LDLRAD3: variants seen among roughly 807,000 people sequenced by gnomAD.
The protein encoded by LDLRAD3 is low-density lipoprotein receptor class A domain-containing protein 3.
A neutral mutation model predicts 29.4 loss-of-function variants in LDLRAD3; 20 were observed. That is an observed-to-expected ratio of 0.68 (90% CI 0.48 to 0.99). The LOEUF is 0.99. Among genes scored for constraint, LDLRAD3 ranks in the 50% least tolerant of loss-of-function variants. The pLI, the probability that LDLRAD3 is intolerant of heterozygous loss-of-function variation, is 0.00. For missense variants in LDLRAD3, 420 were observed against 454.3 expected, an observed-to-expected ratio of 0.92 and a Z score of 0.69; for synonymous variants, 157 against 192.7, an observed-to-expected ratio of 0.81 and a Z score of 1.53.
intron 2 of LDLRAD3, among the ~76,000 whole-genome samples, chr11:36,038,585 G>T (rs1852334907): frequency 6.6e-6 from 1 of 152,194 alleles, no homozygotes; most frequent in African/African-American, 2.4e-5. Context: ...TGTCACTCCA[G>T]TCTCATGATT....
chr11:36,000,891 G>C (rs916494120), intron 1 of LDLRAD3, among the ~76,000 whole-genome samples: 1 of 152,136 alleles, frequency 6.6e-6, no homozygotes, highest in Non-Finnish European at 1.5e-5. Context: ...TGGGCGGGTA[G>C]GGGATGCTTC....
At chr11:36,223,227 C>T (rs955723765) in intron 4 of LDLRAD3, among the ~76,000 whole-genome samples, 1 of 152,148 alleles carries the variant, frequency 6.6e-6, no homozygotes, top group Admixed American at 6.6e-5. Context: ...GTCTCGCCTG[C>T]CAAAGTGAAG....
intron 2 of LDLRAD3, among the ~76,000 whole-genome samples, chr11:36,063,967 A>C (rs1251558530): frequency 6.6e-6 from 1 of 152,162 alleles, no homozygotes; most frequent in Non-Finnish European, 1.5e-5. Context: ...AGATTTTAGT[A>C]TAAGGGTTCC....
At chr11:36,086,146 T>C (rs1853192799) in intron 3 of LDLRAD3, among the ~76,000 whole-genome samples, 1 of 152,186 alleles carries the variant, frequency 6.6e-6, no homozygotes, top group African/African-American at 2.4e-5. Flanking sequence ...ACTTTCTGTT[T>C]TTCCATTTGT....
intron 4 of LDLRAD3, among the ~76,000 whole-genome samples, chr11:36,186,734 C>T (rs1214206237): frequency 6.6e-6 from 1 of 152,138 alleles, no homozygotes; most frequent in African/African-American, 2.4e-5. Context: ...TGTGACTGAT[C>T]GTGGCTGAGT....
chr11:36,210,687 A>T (rs2133381364), intron 4 of LDLRAD3, among the ~76,000 whole-genome samples: 1 of 152,276 alleles, frequency 6.6e-6, no homozygotes, highest in Middle Eastern at 3.4e-3. Flanking sequence ...TGAGACATCC[A>T]AGTACCTCTC....
intron 4 of LDLRAD3, among the ~76,000 whole-genome samples, chr11:36,135,056 G>C (rs1398413471): frequency 3.3e-5 from 5 of 152,030 alleles, no homozygotes; most frequent in African/African-American, 1.2e-4. Context: ...CTTCCTCACT[G>C]TTGTAGGTGC....
At chr11:36,191,616 ACACACACG>A (rs201172784) in intron 4 of LDLRAD3, among the ~76,000 whole-genome samples, 11,827 of 102,748 alleles carry the variant, frequency 0.12, 941 homozygotes, top group Non-Finnish European at 0.15. Flanking sequence ...ACACACACAC[ACACACACG>A]CACGCACGCA....
At chr11:36,013,917 A>G (rs182901594) in intron 1 of LDLRAD3, among the ~76,000 whole-genome samples, 35 of 152,242 alleles carry the variant, frequency 2.3e-4, no homozygotes, top group Middle Eastern at 3.4e-3. Context: ...TCAGGAAGAC[A>G]TTGGTGGAGA....
At chr11:36,061,027 C>A (rs1366575527) in intron 2 of LDLRAD3, among the ~76,000 whole-genome samples, 1 of 152,236 alleles carries the variant, frequency 6.6e-6, no homozygotes, top group African/African-American at 2.4e-5. Flanking sequence ...TCCTGCCTCA[C>A]AGTTTTTTGG....
At chr11:36,041,921 A>G (rs262445) in intron 2 of LDLRAD3, among the ~76,000 whole-genome samples, 62,350 of 152,044 alleles carry the variant, frequency 0.41, 15,498 homozygotes, top group Admixed American at 0.56. Context: ...ACTTTGTTAA[A>G]TGATAAAATA....
intron 4 of LDLRAD3, among the ~76,000 whole-genome samples, chr11:36,105,839 T>C (rs1244383388): frequency 6.6e-6 from 1 of 152,118 alleles, no homozygotes; most frequent in Non-Finnish European, 1.5e-5. Context: ...GCCTAGTCTG[T>C]GGTACTTTGT....
intron 4 of LDLRAD3, among the ~76,000 whole-genome samples, chr11:36,181,868 A>G (rs1854768813): frequency 5.3e-5 from 8 of 152,134 alleles, no homozygotes; most frequent in Admixed American, 5.2e-4. Flanking sequence ...TCAGTTGTCA[A>G]CCGTCTCCTC....
intron 1 of LDLRAD3, among the ~76,000 whole-genome samples, chr11:35,990,127 G>A (rs1369029273): frequency 6.6e-6 from 1 of 152,096 alleles, no homozygotes; most frequent in African/African-American, 2.4e-5. Flanking sequence ...AAGGCATGGG[G>A]GGTGGTTTGA....
intron 1 of LDLRAD3, among the ~76,000 whole-genome samples, chr11:35,946,587 C>T (rs936607692): frequency 6.6e-6 from 1 of 152,172 alleles, no homozygotes; most frequent in African/African-American, 2.4e-5. Context: ...AGTTTTCCTG[C>T]ATGTGGGTGG....
At chr11:36,053,255 T>A (rs1213491802) in intron 2 of LDLRAD3, among the ~76,000 whole-genome samples, 1 of 152,222 alleles carries the variant, frequency 6.6e-6, no homozygotes, top group Admixed American at 6.5e-5. Flanking sequence ...TTTCTTTTTT[T>A]AAATCTCATT....
chr11:36,229,503 A>C lies in LDLRAD3; in HGVS notation c.*106A>C. 1.2e-5 allele frequency: 9 copies of C among 758,562 alleles called. No individual in the cohort carries two copies. The highest frequency in any genetic ancestry group is 2.0e-5 in the Non-Finnish European group (9 of 453,894). 47.0% of individuals were successfully genotyped at this position (758,562 alleles called of 1,614,324 possible). A position where few individuals can be genotyped will look rare whatever the true frequency, so the allele number is the denominator to read the frequency against. ...CTTTAAGCACCTGTAAGGGTGTCTCAAGTTACAGTTTGGGATATTAACTAT... is the reference window on the plus strand; with the variant it reads ...CTTTAAGCACCTGTAAGGGTGTCTCCAGTTACAGTTTGGGATATTAACTAT... On this transcript the variant is annotated 3_prime_UTR_variant, in exon 6 of 6. Transcript: ENST00000315571.
rs999721244 is a variant in LDLRAD3 at position 36,036,096 on chromosome 11, C to G, written c.47-7C>G. On this transcript the variant is annotated splice_region_variant and splice_polypyrimidine_tract_variant and intron_variant, in intron 1 of 5. Coordinates refer to ENST00000315571, the MANE Select transcript of LDLRAD3 (RefSeq NM_174902.4). ...GTGCCGTCTGACCTGTCCCCTCTCT[C>G]TGACAGAGAGCCAGCTGCTCCCCGG... is the stretch of plus-strand genomic sequence containing the variant. 6.2e-7 allele frequency: 1 copy of G among 1,613,602 alleles called. No homozygotes were observed. The highest frequency in any genetic ancestry group is 1.1e-5 in the South Asian group (1 of 91,000).
chr11:36,023,291 C>A (rs1852121269), intron 1 of LDLRAD3, among the ~76,000 whole-genome samples: 1 of 152,092 alleles, frequency 6.6e-6, no homozygotes, highest in South Asian at 2.1e-4. Flanking sequence ...ACCCTTTAAT[C>A]CATAGGGAAC....
Sources: allele counts gnomAD v4.1 joint callset (sites outside exome capture counted in the v4.1 genomes callset), GRCh38; gene constraint gnomAD v4.1.1; transcripts MANE v1.5; gene names NCBI Gene and HGNC (gene_info 2026-07-23, HGNC 2026-07-21).